TMEM71: variants seen among roughly 807,000 people sequenced by gnomAD.
The protein encoded by TMEM71 is transmembrane protein 71.
Under a neutral mutation model 38.0 loss-of-function variants are expected in TMEM71, and 44 were observed. The observed-to-expected ratio is 1.16, with a 90% CI of 0.91 to 1.49. The LOEUF (loss-of-function observed/expected upper bound fraction) is 1.49, where lower values mean the gene tolerates loss of function less well. TMEM71 is among the 40% of genes most tolerant of loss of function. TMEM71 has a pLI of 0.00. For missense variants in TMEM71, 367 were observed against 348.6 expected (o/e 1.05, Z -0.42); for synonymous variants, 133 against 122.5 (o/e 1.09, Z -0.56).
chr8:132,742,475 T>G (rs1447773882), intron 5 of TMEM71, among the ~76,000 whole-genome samples: 1 of 152,240 alleles, frequency 6.6e-6, no homozygotes, highest in Non-Finnish European at 1.5e-5. Context: ...CCTCCTCTGC[T>G]TAAACTTCTG....
chr8:132,756,490 A>G (rs1337860512), intron 3 of TMEM71, among the ~76,000 whole-genome samples: 1 of 145,652 alleles, frequency 6.9e-6, no homozygotes, highest in Non-Finnish European at 1.5e-5. Flanking sequence ...CATGGCACCA[A>G]AAAGAAATAA....
intron 3 of TMEM71, among the ~76,000 whole-genome samples, chr8:132,753,927 T>C (rs971871884): frequency 2.0e-5 from 3 of 152,188 alleles, no homozygotes; most frequent in Non-Finnish European, 4.4e-5. Flanking sequence ...TATTCAGCTA[T>C]TTAAAGAGAG....
downstream of TMEM71, among the ~76,000 whole-genome samples, chr8:132,706,505 TC>T (rs1826096639): frequency 6.6e-6 from 1 of 152,130 alleles, no homozygotes; most frequent in South Asian, 2.1e-4. Context: ...ACTTTCTCAA[TC>T]TTTTTAGCAT....
intron 4 of TMEM71, among the ~76,000 whole-genome samples, chr8:132,751,468 A>G (rs1828703658): frequency 6.6e-6 from 1 of 152,200 alleles, no homozygotes; most frequent in Non-Finnish European, 1.5e-5. Context: ...ACGGGTTTCT[A>G]TCCTGGCACC....
downstream of TMEM71, among the ~76,000 whole-genome samples, chr8:132,708,629 G>A (rs542406828): frequency 1.3e-5 from 2 of 152,278 alleles, no homozygotes; most frequent in East Asian, 3.9e-4. Context: ...ATTGGGTCCT[G>A]GAAGATATCT....
At chr8:132,748,756 A>G (rs1388004249) in intron 4 of TMEM71, among the ~76,000 whole-genome samples, 1 of 152,212 alleles carries the variant, frequency 6.6e-6, no homozygotes, top group Non-Finnish European at 1.5e-5. Flanking sequence ...TGAGAACAAA[A>G]AGTATGGATG....
At chr8:132,736,338 A>C (rs1414348134) in intron 5 of TMEM71, among the ~76,000 whole-genome samples, 1 of 152,196 alleles carries the variant, frequency 6.6e-6, no homozygotes, top group Non-Finnish European at 1.5e-5. Context: ...GGTGAGCCTG[A>C]GTAAGCCATT....
chr8:132,708,782 A>T (rs13250526), downstream of TMEM71, among the ~76,000 whole-genome samples: 42,481 of 152,140 alleles, frequency 0.28, 9,833 homozygotes, highest in African/African-American at 0.64. Flanking sequence ...AAAATTATTT[A>T]AAGAAGGAGG....
At chr8:132,739,406 G>A (rs1473253355) in intron 5 of TMEM71, among the ~76,000 whole-genome samples, 1 of 152,184 alleles carries the variant, frequency 6.6e-6, no homozygotes, top group East Asian at 1.9e-4. Context: ...CCGCCTCCCA[G>A]GTTCACGCCA....
At chr8:132,759,611 A>C (rs2131218932) in intron 1 of TMEM71, among the ~76,000 whole-genome samples, 1 of 152,358 alleles carries the variant, frequency 6.6e-6, no homozygotes, top group Middle Eastern at 3.4e-3. Flanking sequence ...ATCAAATAGA[A>C]CCAACTTCTG....
At chr8:132,719,741 G>T (rs1157167251) in intron 7 of TMEM71, among the ~76,000 whole-genome samples, 1 of 152,140 alleles carries the variant, frequency 6.6e-6, no homozygotes, top group Non-Finnish European at 1.5e-5. Flanking sequence ...TTAGGACAGA[G>T]GGTTCTCATG....
chr8:132,746,902 G>A (rs756110839), intron 5 of TMEM71, 40 bp downstream of exon 5: 1 of 1,512,840 alleles, frequency 6.6e-7, no homozygotes, highest in Middle Eastern at 1.8e-4. Flanking sequence ...TGCCCACTTG[G>A]AGATAAAATT....
chr8:132,708,446 G>A (rs930363051), downstream of TMEM71, among the ~76,000 whole-genome samples: 5 of 152,242 alleles, frequency 3.3e-5, no homozygotes, highest in African/African-American at 1.2e-4. Context: ...AGTGGATGTT[G>A]TGTTCATTAT....
chr8:132,741,177 A>G (rs1468433256), intron 5 of TMEM71, among the ~76,000 whole-genome samples: 1 of 152,132 alleles, frequency 6.6e-6, no homozygotes, highest in Non-Finnish European at 1.5e-5. Flanking sequence ...ATCCTGGCCC[A>G]CATGGTGAAA....
intron 5 of TMEM71, among the ~76,000 whole-genome samples, chr8:132,741,620 A>G (rs1476721419): frequency 1.3e-5 from 2 of 151,788 alleles, no homozygotes; most frequent in African/African-American, 4.8e-5. Context: ...CAGAGGTGAC[A>G]AAGAGAAAGA....
upstream of TMEM71, among the ~76,000 whole-genome samples, chr8:132,761,818 A>C (rs2131224886): frequency 6.6e-6 from 1 of 152,344 alleles, no homozygotes; most frequent in Middle Eastern, 3.4e-3. Context: ...ATGGTGGAGA[A>C]GCCCATGTGT....
At position 132,741,610 on chromosome 8, in the gene TMEM71, C is replaced by T. The variant is rs2911949; in HGVS notation, c.487+5332G>A. Among the ~76,000 whole-genome samples the T allele has an allele frequency of 6.0e-5, 9 of 150,394 alleles. 1 individual carries two copies. The highest frequency in any genetic ancestry group is 2.2e-4 in the African/African-American group (9 of 41,066). ...CTGCCTGGCAGCCGAGGCAGAGAGA[C>T]AGAGGTGACAAAGAGAAAGACAGCT... On this transcript the variant is annotated intron_variant, in intron 5 of 9. Transcript: ENST00000677595.
At position 132,750,012 on chromosome 8, in the gene TMEM71, C is replaced by CAAAAA. The variant is rs10623448; in HGVS notation, c.314+1768_314+1772dup. ...CTGGCGAAAGAGCGAGACTCCATCT[C>CAAAAA]AAAAAAAAAAAAAGAAAGAAAGAAA... On this transcript the variant is annotated intron_variant, in intron 4 of 9. Coordinates refer to ENST00000677595, the MANE Select transcript of TMEM71 (RefSeq NM_001382403.1). Among the ~76,000 whole-genome samples the CAAAAA allele has an allele frequency of 6.9e-4, 86 of 124,228 alleles. No homozygotes were observed. In the East Asian group the frequency reaches 0.014, roughly 20 times the overall value. 81.5% of individuals were successfully genotyped at this position (124,228 alleles called of 152,430 possible). A position where few individuals can be genotyped will look rare whatever the true frequency, so the allele number is the denominator to read the frequency against.
chr8:132,752,616 CCCAG>C (rs1828776002), intron 3 of TMEM71, among the ~76,000 whole-genome samples: 1 of 152,010 alleles, frequency 6.6e-6, no homozygotes, highest in African/African-American at 2.4e-5. Flanking sequence ...TGCCTATAGT[CCCAG>C]CTACTCAGAA....
Sources: allele counts gnomAD v4.1 joint callset (sites outside exome capture counted in the v4.1 genomes callset), GRCh38; gene constraint gnomAD v4.1.1; transcripts MANE v1.5; gene names NCBI Gene and HGNC (gene_info 2026-07-23, HGNC 2026-07-21).